The following AP1AR variants were observed in gnomAD, a reference collection of about 807,000 sequenced individuals.
AP1AR encodes the protein adaptor related protein complex 1 associated regulatory protein, also known as AP-1 complex-associated regulatory protein.
In AP1AR, 29 loss-of-function variants were observed where a neutral mutation model predicts 46.3. That is an observed-to-expected ratio of 0.63 (90% confidence interval 0.47 to 0.85). The LOEUF is 0.85. Among genes scored for constraint, AP1AR ranks in the 40% least tolerant of loss-of-function variants. The pLI is 0.00. For synonymous variants in AP1AR, 122 were observed against 122.9 expected, an observed-to-expected ratio of 0.99 and a Z score of 0.05; for missense variants, 357 against 356.3, an observed-to-expected ratio of 1.00 and a Z score of -0.02.
chr4:112,263,136 T>G (rs936494330), intron 6 of AP1AR, 50 bp downstream of exon 6: 2 of 1,426,462 alleles, frequency 1.4e-6, no homozygotes, highest in African/African-American at 2.9e-5. Context: ...TCTCCTTATT[T>G]TCTCTGACAA....
chr4:112,268,379 G>A lies in AP1AR; in HGVS notation c.879G>A (p.Arg293=). The A allele has an allele frequency of 6.2e-7, 1 of 1,607,982 alleles. No individual in the cohort carries two copies. Among genetic ancestry groups the A allele is most frequent in the Non-Finnish European group, 8.5e-7 (1 of 1,176,580 alleles). ...PVLELSDSGI[R]HSDTDQQTR ...TAGAACTGTCTGATTCTGGCATAAG[G>A]CATTCTGACACAGATCAACAGACTC... Residue 293 remains arginine (R), a synonymous_variant, in exon 10 of 10, where the codon AGG becomes AGA. Coordinates refer to ENST00000274000, the MANE Select transcript of AP1AR (RefSeq NM_018569.6).
intron 1 of AP1AR, among the ~76,000 whole-genome samples, chr4:112,251,289 G>T (rs191082580): frequency 8.5e-4 from 129 of 152,290 alleles, no homozygotes; most frequent in Non-Finnish European, 1.3e-3. Flanking sequence ...ACTATAGCTG[G>T]CTGTGAATAG....
chr4:112,239,282 C>T (rs1025882174), intron 1 of AP1AR, among the ~76,000 whole-genome samples: 1 of 152,188 alleles, frequency 6.6e-6, no homozygotes. Flanking sequence ...TATCTCCTAT[C>T]TTTTCTCTTA....
At chr4:112,262,911 A>G in intron 5 of AP1AR, 77 bp from the exon 6 acceptor site, 1 of 899,472 alleles carries the variant, frequency 1.1e-6, no homozygotes, top group East Asian at 2.5e-5. Flanking sequence ...TTGTTTTATA[A>G]ATAGAAGCAT....
chr4:112,255,511 C>G (rs1313429138), intron 3 of AP1AR, among the ~76,000 whole-genome samples: 1 of 152,142 alleles, frequency 6.6e-6, no homozygotes, highest in Non-Finnish European at 1.5e-5. Flanking sequence ...CTTGAGCAGT[C>G]CTCCTGCCTC....
chr4:112,232,126 T>G lies in AP1AR; in HGVS notation c.35T>G (p.Leu12Arg). ...TGCTGCTGGACGCAGTGCTTCGGAC[T>G]GCTTCGCAAGGAAGCGGGGCGGCTG... ...GNCCWTQCFG[L>R]LRKEAGRLQR... Residue 12 changes from leucine to arginine, a missense_variant, in exon 1 of 10, where the codon CTG (leucine) becomes CGG (arginine). By Grantham distance (102) the Leu-to-Arg change is moderately radical. Coordinates refer to ENST00000274000, the MANE Select transcript of AP1AR (RefSeq NM_018569.6). 5 of 1,287,598 alleles carry G rather than the reference T, an allele frequency of 3.9e-6. No individual in the cohort carries two copies. Among genetic ancestry groups the G allele is most frequent in the Non-Finnish European group, 5.0e-6 (5 of 1,008,942 alleles). 79.8% of individuals were successfully genotyped at this position (1,287,598 alleles called of 1,614,324 possible). A position where few individuals can be genotyped will look rare whatever the true frequency, so the allele number is the denominator to read the frequency against.
chr4:112,268,646 C>G lies in AP1AR; in HGVS notation c.*237C>G. 2.8e-6 allele frequency: 1 copy of G among 352,266 alleles called. No homozygotes were observed. Among genetic ancestry groups the G allele is most frequent in the Non-Finnish European group, 5.1e-6 (1 of 197,550 alleles). 21.8% of individuals were successfully genotyped at this position (352,266 alleles called of 1,614,324 possible). ...CCAATTTAATGGTCCTGTCATGTTA[C>G]TGATTAAATTTACTTTGTCTTGTCT... is the stretch of plus-strand genomic sequence containing the variant. On this transcript the variant is annotated 3_prime_UTR_variant, in exon 10 of 10. Transcript: ENST00000274000.
intron 1 of AP1AR, among the ~76,000 whole-genome samples, chr4:112,235,590 C>T (rs1725203437): frequency 1.3e-5 from 2 of 152,052 alleles, no homozygotes; most frequent in African/African-American, 4.8e-5. Flanking sequence ...TATTCCTCCC[C>T]GCAATCCTGT....
At chr4:112,235,667 T>C (rs1407488594) in intron 1 of AP1AR, among the ~76,000 whole-genome samples, 1 of 152,290 alleles carries the variant, frequency 6.6e-6, no homozygotes, top group East Asian at 1.9e-4. Flanking sequence ...AGTTGAACTT[T>C]CCCAAGATAG....
chr4:112,258,850 C>G lies in AP1AR; in HGVS notation c.185+1053C>G, dbSNP rs182265356. On this transcript the variant is annotated intron_variant, in intron 4 of 9. Transcript: ENST00000274000. Reference sequence around the variant, plus strand: ...ACTTCAAAGAAAAAATTTTAAAGCCCTAATATATAACTAGGGCTAGCAGAA... The same window carrying G: ...ACTTCAAAGAAAAAATTTTAAAGCCGTAATATATAACTAGGGCTAGCAGAA... Among the ~76,000 whole-genome samples, 56 of 152,110 alleles carry G rather than the reference C, an allele frequency of 3.7e-4. 1 individual carries two copies. Among genetic ancestry groups the G allele is most frequent in the South Asian group, 1.9e-3 (9 of 4,798 alleles).
intron 7 of AP1AR, 97 bp from the exon 8 acceptor site, chr4:112,265,637 C>A: frequency 1.2e-6 from 1 of 801,968 alleles, no homozygotes; most frequent in Non-Finnish European, 2.0e-6. Flanking sequence ...ATTTGTATGA[C>A]ATAGGTCTTC....
chr4:112,259,154 G>T (rs896100065), intron 4 of AP1AR, among the ~76,000 whole-genome samples: 1 of 152,188 alleles, frequency 6.6e-6, no homozygotes, highest in Non-Finnish European at 1.5e-5. Flanking sequence ...TGAAACTGAG[G>T]TAGTAAGATA....
At chr4:112,237,998 T>C (rs1214197009) in intron 1 of AP1AR, among the ~76,000 whole-genome samples, 1 of 152,280 alleles carries the variant, frequency 6.6e-6, no homozygotes, top group Non-Finnish European at 1.5e-5. Context: ...TCACAACTAC[T>C]GAACTTGCCT....
chr4:112,268,015 T>A, intron 9 of AP1AR, 129 bp from the exon 10 acceptor site: 1 of 896,440 alleles, frequency 1.1e-6, no homozygotes, highest in Non-Finnish European at 1.6e-6. Flanking sequence ...TCCATGGGAC[T>A]GGGTCTTTAA....
chr4:112,264,980 ATTT>A (rs549384439), intron 6 of AP1AR, 26 bp from the exon 7 acceptor site: 1 of 1,560,304 alleles, frequency 6.4e-7, no homozygotes, highest in Non-Finnish European at 8.7e-7. Context: ...CAACAGAGTG[ATTT>A]TTTTTATTAC....
intron 1 of AP1AR, among the ~76,000 whole-genome samples, chr4:112,242,008 C>T (rs1578404207): frequency 6.6e-6 from 1 of 152,162 alleles, no homozygotes; most frequent in South Asian, 2.1e-4. Context: ...GAAAGACTTT[C>T]TTATTTTATT....
chr4:112,233,285 A>G (rs949312631), intron 1 of AP1AR, among the ~76,000 whole-genome samples: 5 of 152,226 alleles, frequency 3.3e-5, no homozygotes, highest in Admixed American at 2.0e-4. Context: ...CACCTCTCTG[A>G]TACAAAATAG....
At position 112,237,910 on chromosome 4, in the gene AP1AR, C is replaced by G. The variant is rs570190678; in HGVS notation, c.83+5736C>G. Among the ~76,000 whole-genome samples, 8 of 152,270 alleles carry G rather than the reference C, an allele frequency of 5.3e-5. No homozygotes were observed. In the East Asian group the frequency reaches 1.5e-3, roughly 29 times the overall value. On this transcript the variant is annotated intron_variant, in intron 1 of 9. Transcript: ENST00000274000. ...TATTTTCTACAGGCTTATTTTTGCT[C>G]TATATCAAGGGTTGGCAAACTTTTT...
rs1249046880 is a variant in AP1AR, at chr4:112,253,382, A to G, written c.132+126A>G. On this transcript the variant is annotated intron_variant, in intron 2 of 9. Transcript: ENST00000274000. Reference sequence around the variant, plus strand: ...GACTGTTTATATTTCAATATTATTCATGTTAGTGAAGATTGAAAGAGTTGG... The same window carrying G: ...GACTGTTTATATTTCAATATTATTCGTGTTAGTGAAGATTGAAAGAGTTGG... 9 of 694,332 alleles carry G rather than the reference A, an allele frequency of 1.3e-5. No individual in the cohort carries two copies. The African/African-American group carries it at 1.5e-4, about 11-fold the overall frequency. The allele number at this position is 694,332 out of a possible 1,614,324, so 43.0% of individuals were successfully genotyped here.
Sources: gnomAD v4.1 joint callset for allele counts (sites outside exome capture counted in the v4.1 genomes callset) on GRCh38, gnomAD v4.1.1 for gene constraint, MANE v1.5 for transcripts, NCBI Gene and HGNC (gene_info 2026-07-23, HGNC 2026-07-21) for gene names.